LOC128462377: variants seen among roughly 807,000 people sequenced by gnomAD.
At chr16:89,395,347 G>A in the LOC128462377 span, among the ~76,000 whole-genome samples, 16 of 152,190 alleles carry the variant, frequency 1.1e-4, no homozygotes, top group African/African-American at 3.4e-4. Context: ...GAACCCTGAC[G>A]GCAAGCTGTT....
At chr16:89,318,999 T>C in the LOC128462377 span, among the ~76,000 whole-genome samples, 2 of 152,248 alleles carry the variant, frequency 1.3e-5, no homozygotes, top group Non-Finnish European at 2.9e-5. Flanking sequence ...TCTCAGCACC[T>C]GACTCGGAAG....
chr16:89,384,193 C>T, the LOC128462377 span, among the ~76,000 whole-genome samples: 1 of 152,196 alleles, frequency 6.6e-6, no homozygotes, highest in South Asian at 2.1e-4. Context: ...GCACTCCAGC[C>T]TGGGTGACAG....
chr16:89,389,071 A>G, the LOC128462377 span, among the ~76,000 whole-genome samples: 7 of 152,230 alleles, frequency 4.6e-5, no homozygotes, highest in African/African-American at 1.4e-4. Flanking sequence ...TAGGACAGCA[A>G]TGGATTACAG....
chr16:89,379,526 C>T, the LOC128462377 span, among the ~76,000 whole-genome samples: 3 of 152,168 alleles, frequency 2.0e-5, no homozygotes, highest in African/African-American at 2.4e-5. Context: ...CTTGCTCTGT[C>T]GCCCAGACAG....
At chr16:89,341,180 G>A in the LOC128462377 span, among the ~76,000 whole-genome samples, 4 of 152,182 alleles carry the variant, frequency 2.6e-5, no homozygotes, top group African/African-American at 9.7e-5. Flanking sequence ...CTGTTTCTAA[G>A]GTGAATGAGA....
chr16:89,378,042 A>G, the LOC128462377 span, among the ~76,000 whole-genome samples: 7 of 152,168 alleles, frequency 4.6e-5, no homozygotes, highest in Admixed American at 4.6e-4. Flanking sequence ...AGAATACAGT[A>G]TACAATACAT....
At chr16:89,334,967 G>A in the LOC128462377 span, among the ~76,000 whole-genome samples, 3 of 152,228 alleles carry the variant, frequency 2.0e-5, no homozygotes, top group East Asian at 1.9e-4. Context: ...GAGTGGAGGG[G>A]AGGTCCAGGA....
the LOC128462377 span, among the ~76,000 whole-genome samples, chr16:89,328,772 G>T: frequency 7.0e-6 from 1 of 143,258 alleles, no homozygotes; most frequent in African/African-American, 2.6e-5. Flanking sequence ...GGCCCCTGCT[G>T]AGTGAGTGGA....
the LOC128462377 span, among the ~76,000 whole-genome samples, chr16:89,330,536 G>A: frequency 6.6e-6 from 1 of 151,866 alleles, no homozygotes; most frequent in African/African-American, 2.4e-5. Context: ...GGTTTCCACA[G>A]TGCAGTCATT....
the LOC128462377 span, among the ~76,000 whole-genome samples, chr16:89,415,578 T>C: frequency 6.6e-6 from 1 of 151,622 alleles, no homozygotes; most frequent in Non-Finnish European, 1.5e-5. Context: ...ATTCTTTTTT[T>C]AAACCCTGCA....
At chr16:89,403,458 G>A in the LOC128462377 span, among the ~76,000 whole-genome samples, 1 of 152,040 alleles carries the variant, frequency 6.6e-6, no homozygotes, top group Admixed American at 6.5e-5. Context: ...CTCAGTAAGC[G>A]AGGCCCCGCG....
the LOC128462377 span, among the ~76,000 whole-genome samples, chr16:89,408,215 A>G: frequency 6.6e-6 from 1 of 152,208 alleles, no homozygotes; most frequent in Non-Finnish European, 1.5e-5. Flanking sequence ...AAACTCCCTG[A>G]GAGAGCTCAC....
At chr16:89,348,514 T>A in the LOC128462377 span, among the ~76,000 whole-genome samples, 3 of 152,224 alleles carry the variant, frequency 2.0e-5, no homozygotes, top group Non-Finnish European at 4.4e-5. Context: ...GGCTTCTATA[T>A]AACTGACTTT....
At chr16:89,341,244 C>T in the LOC128462377 span, among the ~76,000 whole-genome samples, 2 of 152,302 alleles carry the variant, frequency 1.3e-5, no homozygotes, top group South Asian at 4.1e-4. Flanking sequence ...GGCAAGCAGA[C>T]CCGGTTTGGA....
the LOC128462377 span, among the ~76,000 whole-genome samples, chr16:89,354,655 G>T: frequency 6.6e-6 from 1 of 152,230 alleles, no homozygotes; most frequent in Non-Finnish European, 1.5e-5. Flanking sequence ...GCCGAGGCAG[G>T]TGAATCACCT....
the LOC128462377 span, among the ~76,000 whole-genome samples, chr16:89,336,175 T>C: frequency 1.3e-5 from 2 of 152,226 alleles, no homozygotes; most frequent in Admixed American, 6.5e-5. Context: ...CCAGGATACC[T>C]CTGGAGCTCA....
the LOC128462377 span, among the ~76,000 whole-genome samples, chr16:89,360,344 G>C: frequency 6.6e-6 from 1 of 152,128 alleles, no homozygotes; most frequent in African/African-American, 2.4e-5. Context: ...CAATCCTCTC[G>C]AATTGGTCTC....
chr16:89,395,025 C>T, the LOC128462377 span, among the ~76,000 whole-genome samples: 1 of 152,214 alleles, frequency 6.6e-6, no homozygotes, highest in Non-Finnish European at 1.5e-5. Context: ...TAAGTCACTG[C>T]AATCCAGATC....
At chr16:89,323,400 A>C in the LOC128462377 span, 1 of 1,219,092 alleles carries the variant, frequency 8.2e-7, no homozygotes, top group Non-Finnish European at 1.1e-6. Flanking sequence ...GAGAGCAAGC[A>C]GCCCAGGGCA....
Sources: gnomAD v4.1 joint callset for allele counts (sites outside exome capture counted in the v4.1 genomes callset) on GRCh38, gnomAD v4.1.1 for gene constraint, MANE v1.5 for transcripts.